NCOA1: variants seen among roughly 807,000 people sequenced by gnomAD.
NCOA1 encodes the protein nuclear receptor coactivator 1, also known as Hin-2 protein.
Under a neutral mutation model 150.9 loss-of-function variants are expected in NCOA1, and 35 were observed. The ratio of observed to expected loss-of-function variants is 0.23; its 90% CI spans 0.18 to 0.31. The LOEUF (loss-of-function observed/expected upper bound fraction) is 0.31. NCOA1 is among the 10% of genes least tolerant of loss of function. The probability of loss-of-function intolerance (pLI) is 1.00; values close to 1 mark genes in which losing one functional copy is unlikely to be tolerated. For missense variants in NCOA1, 1,491 were observed against 1,749.3 expected (o/e 0.85, Z 2.63); for synonymous variants, 590 against 630.0 (o/e 0.94, Z 0.95).
intron 14 of NCOA1, among the ~76,000 whole-genome samples, chr2:24,722,930 G>T (rs561309516): frequency 5.1e-5 from 7 of 138,148 alleles, no homozygotes; most frequent in Non-Finnish European, 9.1e-5. Flanking sequence ...GGTGGAGGTT[G>T]CAGTGAGCCG....
intron 1 of NCOA1, among the ~76,000 whole-genome samples, chr2:24,499,249 T>C (rs1266004072): frequency 6.6e-6 from 1 of 152,224 alleles, no homozygotes; most frequent in Non-Finnish European, 1.5e-5. Flanking sequence ...ATTTAATATG[T>C]GGCAGTTCCT....
At chr2:24,616,832 CT>C (rs1481461920) in intron 3 of NCOA1, among the ~76,000 whole-genome samples, 1 of 152,096 alleles carries the variant, frequency 6.6e-6, no homozygotes, top group Non-Finnish European at 1.5e-5. Context: ...GACTTAAGCT[CT>C]TAATCCCTGA....
Position 24,770,450 on chromosome 2 carries a change from G to C in NCOA1, c.*2059G>C. ...ATGTCACCTTCAAGGTTTTATAATT[G>C]CACTGTTTGTTTTATGTATGTACAG... On this transcript the variant is annotated 3_prime_UTR_variant, in exon 23 of 23. Transcript: ENST00000348332. 1 of 226,588 alleles carries C rather than the reference G, an allele frequency of 4.4e-6. No individual in the cohort carries two copies. The highest frequency in any genetic ancestry group is 5.7e-5 in the Admixed American group (1 of 17,568). 14.0% of individuals were successfully genotyped at this position (226,588 alleles called of 1,614,324 possible).
At chr2:24,690,651 C>CAAAAAAAAAAAAAAAA (rs70947837) in intron 8 of NCOA1, among the ~76,000 whole-genome samples, 5 of 38,444 alleles carry the variant, frequency 1.3e-4, no homozygotes, top group African/African-American at 3.8e-4. Flanking sequence ...GATTCCATCT[C>CAAAAAAAAAAAAAAAA]AAAAAAAAAA....
intron 1 of NCOA1, among the ~76,000 whole-genome samples, chr2:24,506,704 G>C (rs1663711519): frequency 6.6e-6 from 1 of 152,068 alleles, no homozygotes; most frequent in African/African-American, 2.4e-5. Flanking sequence ...GTATGGCATA[G>C]CTTCACTCTA....
intron 12 of NCOA1, 133 bp from the exon 13 acceptor site, chr2:24,706,435 G>T: frequency 1.0e-6 from 1 of 957,280 alleles, no homozygotes; most frequent in Non-Finnish European, 1.4e-6. Context: ...AATTTAAGAT[G>T]GTACAGAAGC....
chr2:24,684,285 A>G (rs962935903), intron 8 of NCOA1, among the ~76,000 whole-genome samples: 4 of 152,212 alleles, frequency 2.6e-5, no homozygotes, highest in Non-Finnish European at 5.9e-5. Flanking sequence ...TTTTAGTCTC[A>G]TGTTGGGTAA....
intron 1 of NCOA1, among the ~76,000 whole-genome samples, chr2:24,557,419 C>T (rs142397164): frequency 2.6e-4 from 40 of 152,142 alleles, no homozygotes; most frequent in African/African-American, 7.7e-4. Context: ...GAATAATCTA[C>T]GGTGAACAAA....
intron 3 of NCOA1, among the ~76,000 whole-genome samples, chr2:24,630,601 T>G (rs957250353): frequency 6.6e-6 from 1 of 152,242 alleles, no homozygotes; most frequent in Non-Finnish European, 1.5e-5. Context: ...TTACTTGGAA[T>G]TCTTGCTCTG....
At chr2:24,747,327 CTTTTTTTT>C (rs148901218) in intron 19 of NCOA1, among the ~76,000 whole-genome samples, 3 of 120,170 alleles carry the variant, frequency 2.5e-5, no homozygotes, top group South Asian at 5.4e-4. Flanking sequence ...TTATTTTTCT[CTTTTTTTT>C]TTTTTTTTTT....
chr2:24,622,818 C>T (rs1271161996), intron 3 of NCOA1, among the ~76,000 whole-genome samples: 1 of 152,054 alleles, frequency 6.6e-6, no homozygotes, highest in Non-Finnish European at 1.5e-5. Context: ...TTAATTTGGT[C>T]ATTTATGGTT....
intron 3 of NCOA1, among the ~76,000 whole-genome samples, chr2:24,629,478 GGT>G (rs1491565989): frequency 1.1e-5 from 1 of 92,250 alleles, no homozygotes; most frequent in Non-Finnish European, 2.3e-5. Context: ...GTACTGTTTG[GGT>G]TTTTTTTTTT....
chr2:24,729,850 T>G (rs1344526860), intron 17 of NCOA1, 35 bp downstream of exon 17: 1 of 1,505,566 alleles, frequency 6.6e-7, no homozygotes, highest in African/African-American at 1.9e-5. Context: ...ATACTTTTTT[T>G]TTTTTTGAGA....
At chr2:24,671,069 A>G (rs1053653303) in intron 6 of NCOA1, among the ~76,000 whole-genome samples, 2 of 152,212 alleles carry the variant, frequency 1.3e-5, no homozygotes, top group Non-Finnish European at 2.9e-5. Context: ...TGACATGTGT[A>G]CAAAAGAGGA....
intron 1 of NCOA1, among the ~76,000 whole-genome samples, chr2:24,559,374 G>T (rs1572418717): frequency 1.3e-5 from 2 of 152,206 alleles, no homozygotes; most frequent in East Asian, 3.9e-4. Flanking sequence ...ATGGCATGTC[G>T]CTCTACAAGA....
At position 24,707,412 on chromosome 2, in the gene NCOA1, G is replaced by T. The variant is rs1165548418; in HGVS notation, c.1942G>T (p.Ala648Ser). ...AACTGCCGAACAGCAGTTACGGCAT[G>T]CTGATATAGACACAAGCTGCAAAGA... is the stretch of plus-strand genomic sequence containing the variant. ...TTTAEQQLRH[A>S]DIDTSCKDVL... The change falls in exon 13 of 23, where the codon GCT becomes TCT. Residue 648 changes from alanine (A) to serine (S), a missense_variant. Physicochemically the swap from Ala to Ser is moderately conservative, Grantham distance 99 (BLOSUM62 1). This residue lies in a region of NCOA1 where 703 missense variants were observed against 717.7 expected (regional missense o/e 0.98). Transcript: ENST00000348332. The T allele has an allele frequency of 1.2e-6, 2 of 1,614,214 alleles. No individual in the cohort carries two copies. The highest frequency in any genetic ancestry group is 1.1e-5 in the South Asian group (1 of 91,088).
At chr2:24,643,306 A>G (rs1055611295) in intron 3 of NCOA1, among the ~76,000 whole-genome samples, 3 of 152,180 alleles carry the variant, frequency 2.0e-5, no homozygotes, top group Non-Finnish European at 2.9e-5. Flanking sequence ...GGAGAGTCTC[A>G]TAAGTGTGTA....
intron 12 of NCOA1, among the ~76,000 whole-genome samples, 176 bp downstream of exon 12, chr2:24,705,409 A>G (rs573306222): frequency 1.3e-5 from 2 of 152,192 alleles, no homozygotes; most frequent in South Asian, 4.1e-4. Flanking sequence ...TTTATCATGT[A>G]ATAGCTTTGT....
At position 24,491,458 on chromosome 2, in the gene NCOA1, C is replaced by T. The variant is rs1340744310; in HGVS notation, c.-540C>T. On this transcript the variant is annotated 5_prime_UTR_variant, in exon 1 of 23. Transcript: ENST00000348332. ...TGCGTCAGGTTCCCTCTGCATCCCC[C>T]TGCGGGGGGACCCCTGCTCCGGAGG... 3.0e-4 allele frequency among the ~76,000 whole-genome samples: 1 copy of T among 3,348 alleles called. No homozygotes were observed. The highest frequency in any genetic ancestry group is 1.4e-3 in the African/African-American group (1 of 696). The allele number at this position is 3,348 out of a possible 152,430, so 2.2% of individuals were successfully genotyped here.
Sources: gnomAD v4.1 joint callset for allele counts (sites outside exome capture counted in the v4.1 genomes callset) on GRCh38, gnomAD v4.1.1 for gene constraint, gnomAD v4.1.1 regional missense constraint, MANE v1.5 for transcripts, NCBI Gene and HGNC (gene_info 2026-07-23, HGNC 2026-07-21) for gene names.